The following SYTL5 variants were observed in gnomAD, a reference collection of about 807,000 sequenced individuals.
SYTL5 encodes synaptotagmin like 5.
A neutral mutation model predicts 55.9 loss-of-function variants in SYTL5; 34 were observed. That is an observed-to-expected ratio of 0.61 (90% CI 0.46 to 0.81). SYTL5 has a LOEUF of 0.81. Among genes scored for constraint, SYTL5 ranks in the 30% least tolerant of loss-of-function variants. SYTL5 has a pLI of 0.00. For missense variants in SYTL5, 637 were observed against 546.7 expected, an observed-to-expected ratio of 1.17 and a Z score of -1.65; for synonymous variants, 221 against 188.7, an observed-to-expected ratio of 1.17 and a Z score of -1.40.
chrX:38,012,841 A>T (rs781702995), intron 1 of SYTL5, among the ~76,000 whole-genome samples: 1 of 112,062 alleles, frequency 8.9e-6, no homozygotes, highest in Non-Finnish European at 1.9e-5. Flanking sequence ...CAAAATAGGC[A>T]TTTTTCCCAA....
At chrX:38,079,824 T>C (rs990822059) in intron 6 of SYTL5, among the ~76,000 whole-genome samples, 2 of 111,776 alleles carry the variant, frequency 1.8e-5, no homozygotes, top group Non-Finnish European at 3.8e-5. Context: ...AGCTGGACCA[T>C]TGCACTCCTA....
the SYTL5 span, among the ~76,000 whole-genome samples, chrX:37,934,640 C>CT: frequency 5.5e-3 from 539 of 97,209 alleles, 5 homozygotes; most frequent in African/African-American, 0.017. Flanking sequence ...TTTTTTTTTT[C>CT]TTTTTTTTTT....
At chrX:38,061,101 A>T (rs1012412749) in intron 3 of SYTL5, among the ~76,000 whole-genome samples, 40 of 112,162 alleles carry the variant, frequency 3.6e-4, no homozygotes, top group African/African-American at 1.2e-3. Context: ...TGATGCGTTA[A>T]AATGTCTTAA....
At chrX:37,990,039 ATTATTT>A in the SYTL5 span, among the ~76,000 whole-genome samples, 3 of 109,664 alleles carry the variant, frequency 2.7e-5, no homozygotes, top group East Asian at 5.7e-4. Context: ...CGCCCGGCTA[ATTATTT>A]TTATTTTTAT....
rs142453537 is a variant in SYTL5 at position 38,106,674 on chromosome X, C to T, written c.1237C>T (p.His413Tyr). The T allele has an allele frequency of 2.7e-5, 33 of 1,208,026 alleles. No homozygotes were observed. In the African/African-American group the frequency reaches 5.2e-4, roughly 19 times the overall value. Residue 413 changes from histidine (H) to tyrosine (Y), a missense_variant, in exon 11 of 17, where the codon CAT becomes TAT. Physicochemically the swap from His to Tyr is moderately conservative, Grantham distance 83 (BLOSUM62 2). Coordinates refer to ENST00000297875, the MANE Select transcript of SYTL5 (RefSeq NM_138780.3). ...GAAAGTCAGTGGTGAAATCCTTCTC[C>T]ATATCAGCTACTGCTACAAAACTGG... ...NVKVSGEILLHISYCYKTGGL... is the reference protein window; with the variant it reads ...NVKVSGEILLYISYCYKTGGL...
At chrX:37,959,339 G>A in the SYTL5 span, among the ~76,000 whole-genome samples, 40,027 of 110,970 alleles carry the variant, frequency 0.36, 5,193 homozygotes, top group East Asian at 0.6. Flanking sequence ...GTTTGTCATT[G>A]CGGCCGGCCC....
Position 38,094,530 on chromosome X carries a change from G to A in SYTL5, c.961+106G>A, listed in dbSNP as rs770488242. On this transcript the variant is annotated intron_variant, in intron 8 of 16. Transcript: ENST00000297875. Reference sequence around the variant, plus strand: ...GGATGTTTCATCCTTTAAAAAATAAGCATTCCCTTCTTTGACCTATGGTGG... The same window carrying A: ...GGATGTTTCATCCTTTAAAAAATAAACATTCCCTTCTTTGACCTATGGTGG... The A allele has an allele frequency of 3.2e-5, 29 of 909,772 alleles. No homozygotes were observed. The South Asian group carries it at 3.7e-4, about 12-fold the overall frequency. 75.0% of individuals were successfully genotyped at this position (909,772 alleles called of 1,213,427 possible). A position where few individuals can be genotyped will look rare whatever the true frequency, so the allele number is the denominator to read the frequency against.
intron 3 of SYTL5, among the ~76,000 whole-genome samples, chrX:38,057,193 A>G (rs1429072481): frequency 2.7e-5 from 3 of 111,453 alleles, no homozygotes; most frequent in African/African-American, 9.8e-5. Context: ...GTTTCATTCT[A>G]TGCATGTGGA....
the SYTL5 span, among the ~76,000 whole-genome samples, chrX:37,933,661 C>T: frequency 4.5e-5 from 5 of 111,697 alleles, no homozygotes; most frequent in African/African-American, 1.6e-4. Flanking sequence ...TTGAGGTAGA[C>T]AATAGGCTAA....
the SYTL5 span, among the ~76,000 whole-genome samples, chrX:37,954,616 T>C: frequency 8.9e-6 from 1 of 112,400 alleles, no homozygotes; most frequent in South Asian, 3.7e-4. Context: ...TCAATTTCTG[T>C]TGTGATGAGA....
chrX:38,126,211 G>T (rs1602423211), intron 16 of SYTL5, among the ~76,000 whole-genome samples: 1 of 111,831 alleles, frequency 8.9e-6, no homozygotes, highest in South Asian at 3.7e-4. Context: ...ATTAAGGGGA[G>T]CCAAAAATAT....
At chrX:37,902,854 A>C in the SYTL5 span, among the ~76,000 whole-genome samples, 1 of 111,947 alleles carries the variant, frequency 8.9e-6, no homozygotes, top group African/African-American at 3.3e-5. Context: ...CTCTGGAACA[A>C]TGTTACACAC....
intron 1 of SYTL5, among the ~76,000 whole-genome samples, chrX:38,023,742 T>C (rs944208008): frequency 6.3e-5 from 7 of 111,294 alleles, no homozygotes; most frequent in Middle Eastern, 4.6e-3. Flanking sequence ...AACTTTAGAC[T>C]ATTACAAACT....
At chrX:37,959,679 A>G in the SYTL5 span, among the ~76,000 whole-genome samples, 26 of 112,093 alleles carry the variant, frequency 2.3e-4, no homozygotes, top group East Asian at 7.0e-3. Context: ...ATTACAAGCT[A>G]TGTAAGCTTT....
intron 10 of SYTL5, among the ~76,000 whole-genome samples, chrX:38,104,483 A>T (rs914425465): frequency 4.5e-5 from 5 of 111,925 alleles, no homozygotes; most frequent in African/African-American, 9.8e-5. Flanking sequence ...AGAAAGACAG[A>T]TTAGGTCACT....
At chrX:37,950,953 TTGAC>T in the SYTL5 span, among the ~76,000 whole-genome samples, 1 of 110,298 alleles carries the variant, frequency 9.1e-6, no homozygotes, top group Non-Finnish European at 1.9e-5. Context: ...ATTACCGAAA[TTGAC>T]TGAAGAGCCT....
chrX:38,006,889 A>G (rs1383646962), intron 1 of SYTL5, among the ~76,000 whole-genome samples: 3 of 111,258 alleles, frequency 2.7e-5, no homozygotes, highest in Non-Finnish European at 5.7e-5. Flanking sequence ...AGAGAAATAT[A>G]AGTATCTTTT....
At chrX:37,968,564 A>G in the SYTL5 span, among the ~76,000 whole-genome samples, 1 of 111,683 alleles carries the variant, frequency 9.0e-6, no homozygotes, top group Non-Finnish European at 1.9e-5. Context: ...GATCCAGATA[A>G]TAGACATATT....
chrX:37,909,835 C>T, the SYTL5 span, among the ~76,000 whole-genome samples: 7 of 110,041 alleles, frequency 6.4e-5, no homozygotes, highest in African/African-American at 1.7e-4. Context: ...CCACCACACG[C>T]GGCTGATTTT....
Sources: gnomAD v4.1 joint callset for allele counts (sites outside exome capture counted in the v4.1 genomes callset) on GRCh38, gnomAD v4.1.1 for gene constraint, MANE v1.5 for transcripts, NCBI Gene and HGNC (gene_info 2026-07-23, HGNC 2026-07-21) for gene names.